The following CFAP20DC variants were observed in gnomAD, a reference collection of about 807,000 sequenced individuals.
CFAP20DC encodes the protein protein CFAP20DC.
In CFAP20DC, 84 loss-of-function variants were observed where a neutral mutation model predicts 101.7. The observed-to-expected ratio is 0.83, with a 90% CI of 0.69 to 0.99. CFAP20DC has a LOEUF of 0.99. Among genes scored for constraint, CFAP20DC ranks in the 50% least tolerant of loss-of-function variants. The probability of loss-of-function intolerance (pLI) is 0.00; values close to 1 mark genes in which losing one functional copy is unlikely to be tolerated. For missense variants in CFAP20DC, 1,007 were observed against 970.3 expected (o/e 1.04, Z -0.50); for synonymous variants, 359 against 351.2 (o/e 1.02, Z -0.25).
chr3:58,828,374 T>A (rs2076180987), intron 14 of CFAP20DC, among the ~76,000 whole-genome samples: 1 of 152,290 alleles, frequency 6.6e-6, no homozygotes, highest in South Asian at 2.1e-4. Context: ...GAGCTGAGGC[T>A]CCTAACCACC....
chr3:58,847,572 C>T (rs148900660), intron 13 of CFAP20DC, among the ~76,000 whole-genome samples: 23 of 152,128 alleles, frequency 1.5e-4, no homozygotes, highest in African/African-American at 5.3e-4. Flanking sequence ...GTTGCTGGGA[C>T]TGTAAACTAG....
intron 11 of CFAP20DC, 98 bp downstream of exon 11, chr3:58,866,468 G>T (rs1188163178): frequency 3.1e-6 from 3 of 954,682 alleles, no homozygotes; most frequent in Admixed American, 2.7e-5. Flanking sequence ...TTAGCAAATC[G>T]GCTGCATCAC....
At chr3:58,746,191 C>T (rs1478665172) in intron 16 of CFAP20DC, among the ~76,000 whole-genome samples, 5 of 152,048 alleles carry the variant, frequency 3.3e-5, no homozygotes, top group African/African-American at 9.7e-5. Context: ...AAAAACAGTT[C>T]TTATACCAAA....
In CFAP20DC at chr3:58,742,391, C is replaced by T; in HGVS notation, c.*69G>A. The T allele has an allele frequency of 7.0e-7, 1 of 1,432,950 alleles. No individual in the cohort carries two copies. The highest frequency in any genetic ancestry group is 9.2e-7 in the Non-Finnish European group (1 of 1,085,858). 88.8% of individuals were successfully genotyped at this position (1,432,950 alleles called of 1,614,324 possible). On this transcript the variant is annotated 3_prime_UTR_variant, in exon 17 of 17. Coordinates refer to ENST00000482387, the MANE Select transcript of CFAP20DC (RefSeq NM_001394063.1). ...ACCCAACACATAAGTTGTGGTGACT[C>T]CTTAAGCGACCCTGAACTGCTATTC...
rs1034891529 is a variant in CFAP20DC, at chr3:59,001,634, C to T, written c.278+37923G>A. ...CCATGTTGGTCAGGTTGGTCTCGAA[C>T]TCCCGACCTCAGGTGATCCACCTGC... On this transcript the variant is annotated intron_variant, in intron 4 of 16. Transcript: ENST00000482387. The surrounding 1 kb of genome is among the most constrained non-coding windows in gnomAD (Gnocchi z 4.5). Among the ~76,000 whole-genome samples the T allele has an allele frequency of 2.0e-5, 3 of 152,188 alleles. No homozygotes were observed. Among genetic ancestry groups the T allele is most frequent in the Non-Finnish European group, 4.4e-5 (3 of 68,036 alleles).
At position 58,860,718 on chromosome 3, in the gene CFAP20DC, C is replaced by T. The variant is rs186027250; in HGVS notation, c.1593+2840G>A. ...AACCAGGTGTATACACTAGAAGCCA[C>T]GATGGGAATAATAACATAAAATACA... On this transcript the variant is annotated intron_variant, in intron 12 of 16. Transcript: ENST00000482387. Among the ~76,000 whole-genome samples the T allele has an allele frequency of 6.6e-5, 10 of 152,196 alleles. No homozygotes were observed. In the South Asian group the frequency reaches 1.2e-3, roughly 19 times the overall value.
chr3:58,848,400 G>GA (rs1206410665), intron 13 of CFAP20DC, among the ~76,000 whole-genome samples: 1 of 152,086 alleles, frequency 6.6e-6, no homozygotes, highest in Non-Finnish European at 1.5e-5. Flanking sequence ...TTAAAAAATG[G>GA]AATGTACATG....
intron 4 of CFAP20DC, among the ~76,000 whole-genome samples, chr3:58,939,059 GGGGGAGTGAT>G (rs1553734274): frequency 6.6e-6 from 1 of 152,144 alleles, no homozygotes; most frequent in Non-Finnish European, 1.5e-5. Context: ...CACATGGGGA[GGGGGAGTGAT>G]ATGCAACAAT....
intron 5 of CFAP20DC, among the ~76,000 whole-genome samples, chr3:58,933,661 C>A (rs963611145): frequency 3.3e-5 from 5 of 152,030 alleles, no homozygotes; most frequent in Non-Finnish European, 7.4e-5. Context: ...ACAACCTGCT[C>A]CTGAATGACT....
chr3:59,042,936 T>G (rs1046642757), intron 3 of CFAP20DC, among the ~76,000 whole-genome samples: 10 of 152,082 alleles, frequency 6.6e-5, no homozygotes, highest in African/African-American at 1.9e-4. Context: ...TAAAAGCTTT[T>G]TTTCTAAGCA....
intron 3 of CFAP20DC, among the ~76,000 whole-genome samples, chr3:58,735,556 G>A (rs533449828): frequency 7.2e-5 from 11 of 152,166 alleles, no homozygotes; most frequent in Non-Finnish European, 1.2e-4. Context: ...GACAAGAAAT[G>A]AGAATAGGTT....
chr3:59,019,408 A>C (rs897015528), intron 4 of CFAP20DC, among the ~76,000 whole-genome samples: 1 of 151,872 alleles, frequency 6.6e-6, no homozygotes, highest in African/African-American at 2.4e-5. Flanking sequence ...CATCCTCCCA[A>C]GTGATTCTCC....
chr3:58,910,539 G>T (rs2084044545), intron 6 of CFAP20DC, among the ~76,000 whole-genome samples: 1 of 152,128 alleles, frequency 6.6e-6, no homozygotes, highest in East Asian at 1.9e-4. Context: ...GAAGTTTAAA[G>T]GATCTTCTCT....
chr3:58,886,218 G>A (rs116636035), intron 6 of CFAP20DC, among the ~76,000 whole-genome samples: 3,473 of 152,004 alleles, frequency 0.023, 124 homozygotes, highest in African/African-American at 0.079. Context: ...GCAAATAAGC[G>A]TTTATAATTT....
intron 4 of CFAP20DC, among the ~76,000 whole-genome samples, chr3:58,948,083 G>A (rs1331926633): frequency 6.6e-6 from 1 of 152,196 alleles, no homozygotes; most frequent in East Asian, 1.9e-4. Flanking sequence ...AGGCTCTAGG[G>A]TGCACTTGCA....
At chr3:58,743,987 T>C (rs923511368) in intron 16 of CFAP20DC, among the ~76,000 whole-genome samples, 3 of 152,224 alleles carry the variant, frequency 2.0e-5, no homozygotes, top group African/African-American at 2.4e-5. Flanking sequence ...CAATCCCTAT[T>C]CTAATGGACT....
intron 5 of CFAP20DC, among the ~76,000 whole-genome samples, chr3:58,934,445 C>T (rs1338158992): frequency 6.6e-6 from 1 of 152,016 alleles, no homozygotes; most frequent in African/African-American, 2.4e-5. Flanking sequence ...ATCCTGATAC[C>T]AAAGCTGGGC....
intron 5 of CFAP20DC, among the ~76,000 whole-genome samples, chr3:58,933,630 A>G (rs983691141): frequency 2.6e-5 from 4 of 152,048 alleles, no homozygotes; most frequent in African/African-American, 9.7e-5. Flanking sequence ...ACTCAAAACC[A>G]CTCAACTACA....
chr3:58,952,484 A>G (rs1437474626), intron 4 of CFAP20DC, among the ~76,000 whole-genome samples: 2 of 152,160 alleles, frequency 1.3e-5, no homozygotes, highest in African/African-American at 4.8e-5. Context: ...TCAAGTAACC[A>G]TCATCAACTT....
Sources: gnomAD v4.1 joint callset for allele counts (sites outside exome capture counted in the v4.1 genomes callset) on GRCh38, gnomAD v4.1.1 for gene constraint, Gnocchi (gnomAD v3.1) non-coding constraint, MANE v1.5 for transcripts, NCBI Gene and HGNC (gene_info 2026-07-23, HGNC 2026-07-21) for gene names.